ARHGAP42: variants seen among roughly 807,000 people sequenced by gnomAD.
The protein encoded by ARHGAP42 is rho GTPase-activating protein 42.
A neutral mutation model predicts 125.0 loss-of-function variants in ARHGAP42; 63 were observed. The ratio of observed to expected loss-of-function variants is 0.50; its 90% CI spans 0.41 to 0.62. ARHGAP42 has a LOEUF of 0.62. ARHGAP42 is among the 20% of genes least tolerant of loss of function. ARHGAP42 has a pLI of 0.00. For missense variants in ARHGAP42, 766 were observed against 1,024.2 expected (o/e 0.75, Z 3.44); for synonymous variants, 339 against 351.0 (o/e 0.97, Z 0.38).
At chr11:100,873,560 TG>T (rs1215575057) in intron 4 of ARHGAP42, among the ~76,000 whole-genome samples, 1 of 152,206 alleles carries the variant, frequency 6.6e-6, no homozygotes, top group Admixed American at 6.5e-5. Context: ...AATAGCCAGC[TG>T]GGGTAGAATA....
Position 100,931,766 on chromosome 11 carries a change from C to T in ARHGAP42, c.598-1390C>T, listed in dbSNP as rs541296304. 2.0e-5 allele frequency among the ~76,000 whole-genome samples: 3 copies of T among 152,174 alleles called. No homozygotes were observed. In the South Asian group the frequency reaches 6.2e-4, roughly 32 times the overall value. On this transcript the variant is annotated intron_variant, in intron 6 of 23. Transcript: ENST00000298815. Reference sequence around the variant, plus strand: ...AAGGCTCTAAATCTAAACATGCAAACCTTTATTAAAGGTATTTTTGATCCA... The same window carrying T: ...AAGGCTCTAAATCTAAACATGCAAATCTTTATTAAAGGTATTTTTGATCCA...
At chr11:100,761,526 T>G (rs1862699771) in intron 1 of ARHGAP42, among the ~76,000 whole-genome samples, 1 of 152,206 alleles carries the variant, frequency 6.6e-6, no homozygotes, top group African/African-American at 2.4e-5. Flanking sequence ...TTTTTAATTT[T>G]TATGGAATTT....
chr11:100,818,484 T>C (rs961976907), intron 3 of ARHGAP42, among the ~76,000 whole-genome samples: 2 of 152,118 alleles, frequency 1.3e-5, no homozygotes, highest in African/African-American at 4.8e-5. Flanking sequence ...AAAGACTTAG[T>C]GGAGGATATA....
At position 100,706,790 on chromosome 11, in the gene ARHGAP42, A is replaced by C. The variant is rs571696091; in HGVS notation, c.154+18958A>C. 1.6e-3 allele frequency among the ~76,000 whole-genome samples: 238 copies of C among 152,274 alleles called. 1 individual carries two copies. The highest frequency in any genetic ancestry group is 3.4e-3 in the Middle Eastern group (1 of 294). ...TCACTGCCATAAAATTTACCCTTTTAAGAATCCACTGGTTTTTAATATATT... is the reference window on the plus strand; with the variant it reads ...TCACTGCCATAAAATTTACCCTTTTCAGAATCCACTGGTTTTTAATATATT... On this transcript the variant is annotated intron_variant, in intron 1 of 23. Transcript: ENST00000298815.
intron 3 of ARHGAP42, among the ~76,000 whole-genome samples, chr11:100,807,365 T>G (rs1864022468): frequency 6.6e-6 from 1 of 152,042 alleles, no homozygotes; most frequent in South Asian, 2.1e-4. Flanking sequence ...CTGGCCAATT[T>G]TTGTATTTTT....
chr11:100,780,271 G>T (rs1863275276), intron 2 of ARHGAP42, among the ~76,000 whole-genome samples: 1 of 152,076 alleles, frequency 6.6e-6, no homozygotes, highest in African/African-American at 2.4e-5. Flanking sequence ...CTTATTTCAG[G>T]GAGGTGGATA....
intron 10 of ARHGAP42, among the ~76,000 whole-genome samples, chr11:100,945,115 C>G (rs1312405957): frequency 1.3e-5 from 2 of 152,078 alleles, no homozygotes; most frequent in African/African-American, 4.8e-5. Flanking sequence ...ATAGCATCTT[C>G]ACCCGGAGAA....
chr11:100,836,621 A>G (rs1864792165), intron 3 of ARHGAP42, among the ~76,000 whole-genome samples: 1 of 151,738 alleles, frequency 6.6e-6, no homozygotes, highest in South Asian at 2.1e-4. Context: ...AAAATTGTTC[A>G]TGTATCCAAG....
At chr11:100,846,447 G>C (rs1005992567) in intron 3 of ARHGAP42, among the ~76,000 whole-genome samples, 6 of 152,090 alleles carry the variant, frequency 3.9e-5, no homozygotes, top group Non-Finnish European at 8.8e-5. Flanking sequence ...TATCATTTAA[G>C]TTTGATTTTG....
intron 1 of ARHGAP42, among the ~76,000 whole-genome samples, chr11:100,727,591 T>C (rs1861883376): frequency 6.6e-6 from 1 of 152,170 alleles, no homozygotes; most frequent in African/African-American, 2.4e-5. Context: ...GACTACGTGA[T>C]GAAGCCTCTA....
intron 3 of ARHGAP42, among the ~76,000 whole-genome samples, chr11:100,810,854 CTT>C (rs1864122520): frequency 6.6e-6 from 1 of 152,072 alleles, no homozygotes; most frequent in South Asian, 2.1e-4. Context: ...CTCCTTGAGA[CTT>C]TGTTTTCTTT....
At chr11:100,885,693 A>G (rs1329822597) in intron 4 of ARHGAP42, among the ~76,000 whole-genome samples, 1 of 152,218 alleles carries the variant, frequency 6.6e-6, no homozygotes, top group Admixed American at 6.5e-5. Context: ...GTAAGAAACA[A>G]AAGAAATGGA....
At chr11:100,851,762 T>C (rs1865209474) in intron 3 of ARHGAP42, among the ~76,000 whole-genome samples, 2 of 152,164 alleles carry the variant, frequency 1.3e-5, no homozygotes, top group Admixed American at 6.6e-5. Flanking sequence ...TGTTAAGCAA[T>C]GCGTAATTAC....
Position 100,751,457 on chromosome 11 carries a change from C to CT in ARHGAP42, c.155-18880dup, listed in dbSNP as rs1181105376. On this transcript the variant is annotated intron_variant, in intron 1 of 23. Transcript: ENST00000298815. The stretch of plus-strand genomic sequence containing the variant: ...CACTACCATACCCAGCTAATTTATA[C>CT]TTTTTTATTTTTTTTTTTCTGCAGT... 2.3e-3 allele frequency among the ~76,000 whole-genome samples: 339 copies of CT among 150,002 alleles called. 2 individuals are homozygous for CT. The highest frequency in any genetic ancestry group is 8.0e-3 in the African/African-American group (328 of 41,020).
At chr11:100,764,454 T>G (rs1565204146) in intron 1 of ARHGAP42, among the ~76,000 whole-genome samples, 1 of 152,208 alleles carries the variant, frequency 6.6e-6, no homozygotes, top group Non-Finnish European at 1.5e-5. Flanking sequence ...AGTTATTACT[T>G]AACTTTTCAG....
intron 4 of ARHGAP42, among the ~76,000 whole-genome samples, chr11:100,911,001 A>G (rs1403359071): frequency 6.6e-6 from 1 of 152,166 alleles, no homozygotes; most frequent in Non-Finnish European, 1.5e-5. Flanking sequence ...CAAACTGAAA[A>G]CAAAGATACA....
At chr11:100,782,517 A>G (rs1863338629) in intron 2 of ARHGAP42, among the ~76,000 whole-genome samples, 1 of 152,218 alleles carries the variant, frequency 6.6e-6, no homozygotes, top group African/African-American at 2.4e-5. Flanking sequence ...AGTAAGGACA[A>G]ACATATGAGC....
chr11:100,856,028 A>G (rs1423694847), intron 3 of ARHGAP42, among the ~76,000 whole-genome samples: 1 of 152,068 alleles, frequency 6.6e-6, no homozygotes, highest in East Asian at 1.9e-4. Flanking sequence ...GCATCTTAGT[A>G]AAGTCATGCA....
chr11:100,899,669 C>CT (rs569714822), intron 4 of ARHGAP42, among the ~76,000 whole-genome samples: 6 of 128,808 alleles, frequency 4.7e-5, no homozygotes, highest in African/African-American at 1.3e-4. Context: ...GTAGTCCCTG[C>CT]TTTTTGTTTG....
Sources: gnomAD v4.1 joint callset for allele counts (sites outside exome capture counted in the v4.1 genomes callset) on GRCh38, gnomAD v4.1.1 for gene constraint, MANE v1.5 for transcripts, NCBI Gene and HGNC (gene_info 2026-07-23, HGNC 2026-07-21) for gene names.